ITGA9: variants seen among roughly 807,000 people sequenced by gnomAD.
ITGA9 encodes integrin alpha-9.
ITGA9 carries 56 observed loss-of-function variants against 127.8 expected under a neutral mutation model. The ratio of observed to expected loss-of-function variants is 0.44; its 90% CI spans 0.35 to 0.55. The LOEUF (loss-of-function observed/expected upper bound fraction) is 0.55, where lower values mean the gene tolerates loss of function less well. ITGA9 is among the 20% of genes least tolerant of loss of function. The probability of loss-of-function intolerance (pLI) is 0.00; values close to 1 mark genes in which losing one functional copy is unlikely to be tolerated. For missense variants in ITGA9, 1,196 were observed against 1,347.1 expected (o/e 0.89, Z 1.76); for synonymous variants, 508 against 514.5 (o/e 0.99, Z 0.17).
chr3:37,701,926 G>A (rs1700950924), intron 18 of ITGA9, among the ~76,000 whole-genome samples: 1 of 152,154 alleles, frequency 6.6e-6, no homozygotes, highest in African/African-American at 2.4e-5. Flanking sequence ...TGGAAGCTTT[G>A]GCCTCCAGAT....
intron 23 of ITGA9, among the ~76,000 whole-genome samples, chr3:37,757,813 G>C (rs1696672289): frequency 6.6e-6 from 1 of 151,638 alleles, no homozygotes; most frequent in Non-Finnish European, 1.5e-5. Flanking sequence ...GACCCAGATA[G>C]CTATATAGGC....
intron 16 of ITGA9, among the ~76,000 whole-genome samples, chr3:37,641,533 T>C (rs142360788): frequency 6.6e-6 from 1 of 152,096 alleles, no homozygotes; most frequent in Non-Finnish European, 1.5e-5. Flanking sequence ...CGCACCACCA[T>C]GAGCCCAGAT....
intron 17 of ITGA9, among the ~76,000 whole-genome samples, chr3:37,671,755 G>A (rs2125656769): frequency 6.6e-6 from 1 of 152,254 alleles, no homozygotes; most frequent in South Asian, 2.1e-4. Context: ...TCTCTCTGGA[G>A]TTAATAACCA....
intron 26 of ITGA9, among the ~76,000 whole-genome samples, chr3:37,789,445 A>G (rs1391138770): frequency 1.3e-5 from 2 of 152,152 alleles, no homozygotes; most frequent in African/African-American, 4.8e-5. Context: ...TTGAAAAGTC[A>G]GGGAGCTCAA....
chr3:37,662,117 A>G (rs963162316), intron 17 of ITGA9, among the ~76,000 whole-genome samples: 3 of 152,118 alleles, frequency 2.0e-5, no homozygotes, highest in African/African-American at 7.2e-5. Context: ...GAATACAGCC[A>G]GGGGGCCAGG....
intron 15 of ITGA9, among the ~76,000 whole-genome samples, chr3:37,548,244 AAAAGGCC>A (rs1363354272): frequency 6.6e-6 from 1 of 152,222 alleles, no homozygotes; most frequent in African/African-American, 2.4e-5. Flanking sequence ...GACGTTCTGG[AAAAGGCC>A]AACTAAGGAG....
At chr3:37,754,492 A>C (rs2844379) in intron 23 of ITGA9, among the ~76,000 whole-genome samples, 1 of 152,058 alleles carries the variant, frequency 6.6e-6, no homozygotes, top group Non-Finnish European at 1.5e-5. Flanking sequence ...AATAAATATC[A>C]TACCATTCAT....
At chr3:37,805,922 C>T (rs929233299) in intron 27 of ITGA9, 3 of 152,076 alleles carry the variant, frequency 2.0e-5, no homozygotes, top group Non-Finnish European at 4.4e-5. Context: ...ATCCTCCCGC[C>T]TTAGCCTCCC....
chr3:37,457,156 A>T (rs1042429025), intron 1 of ITGA9, among the ~76,000 whole-genome samples: 1 of 152,248 alleles, frequency 6.6e-6, no homozygotes, highest in African/African-American at 2.4e-5. Context: ...CTAACTAAAA[A>T]TTATTGCCTG....
Position 37,679,307 on chromosome 3 carries a change from A to G in ITGA9, c.1917-4558A>G, listed in dbSNP as rs148753936. On this transcript the variant is annotated intron_variant, in intron 17 of 27. Coordinates refer to ENST00000264741, the MANE Select transcript of ITGA9 (RefSeq NM_002207.3). ...AGCACCCCTGGAATGTTTAGCACAA[A>G]AACTCTATGCTTGATCGTTTTACTA... is the stretch of plus-strand genomic sequence containing the variant. 4.9e-3 allele frequency among the ~76,000 whole-genome samples: 746 copies of G among 152,220 alleles called. 1 individual carries two copies. Among genetic ancestry groups the G allele is most frequent in the African/African-American group, 0.017 (693 of 41,512 alleles).
intron 18 of ITGA9, among the ~76,000 whole-genome samples, chr3:37,708,382 G>C (rs1290838755): frequency 6.6e-6 from 1 of 152,198 alleles, no homozygotes; most frequent in Non-Finnish European, 1.5e-5. Context: ...AATTCAAGGT[G>C]GGGGAATAAA....
At chr3:37,565,247 G>A (rs1699533950) in intron 15 of ITGA9, among the ~76,000 whole-genome samples, 1 of 152,144 alleles carries the variant, frequency 6.6e-6, no homozygotes, top group African/African-American at 2.4e-5. Flanking sequence ...ACTTTCCCTT[G>A]CCTGTTTTTT....
At position 37,473,007 on chromosome 3, in the gene ITGA9, C is replaced by T. The variant is rs192984410; in HGVS notation, c.314-347C>T. ...TATGAACATTAGTGGGATGTGGTGG[C>T]GCACACCTGTAATCCCAGCTACTTG... is the stretch of plus-strand genomic sequence containing the variant. On this transcript the variant is annotated intron_variant, in intron 2 of 27. Coordinates refer to ENST00000264741, the MANE Select transcript of ITGA9 (RefSeq NM_002207.3). Among the ~76,000 whole-genome samples, 12 of 151,538 alleles carry T rather than the reference C, an allele frequency of 7.9e-5. No homozygotes were observed. The East Asian group carries it at 1.4e-3, about 17-fold the overall frequency.
At chr3:37,667,842 C>T (rs1332457581) in intron 17 of ITGA9, among the ~76,000 whole-genome samples, 1 of 152,186 alleles carries the variant, frequency 6.6e-6, no homozygotes, top group African/African-American at 2.4e-5. Flanking sequence ...TGGGAGGCTC[C>T]AAAGCCTGAT....
intron 17 of ITGA9, 111 bp from the exon 18 acceptor site, chr3:37,683,754 A>G: frequency 9.2e-7 from 1 of 1,087,218 alleles, no homozygotes; most frequent in Non-Finnish European, 1.4e-6. Context: ...GGCTCCTGGA[A>G]CTTGTAGTTC....
chr3:37,796,611 G>T (rs925178952), intron 26 of ITGA9, among the ~76,000 whole-genome samples: 1 of 152,078 alleles, frequency 6.6e-6, no homozygotes, highest in African/African-American at 2.4e-5. Flanking sequence ...GGATGGCCAG[G>T]ACTCCCCCAA....
intron 15 of ITGA9, among the ~76,000 whole-genome samples, chr3:37,610,228 T>A (rs1700003512): frequency 6.6e-6 from 1 of 152,208 alleles, no homozygotes; most frequent in South Asian, 2.1e-4. Flanking sequence ...AGATTTTACA[T>A]TTTTGAGGGC....
intron 4 of ITGA9, among the ~76,000 whole-genome samples, chr3:37,486,175 T>C (rs1698608459): frequency 6.6e-6 from 1 of 152,226 alleles, no homozygotes; most frequent in African/African-American, 2.4e-5. Flanking sequence ...CAAGTTGTCT[T>C]TTTATTGTGA....
At chr3:37,491,420 A>G (rs1165149146) in intron 4 of ITGA9, among the ~76,000 whole-genome samples, 1 of 152,240 alleles carries the variant, frequency 6.6e-6, no homozygotes, top group African/African-American at 2.4e-5. Flanking sequence ...TCCTCTCTGC[A>G]GGGCCATGTC....
Sources: gnomAD v4.1 joint callset for allele counts (sites outside exome capture counted in the v4.1 genomes callset) on GRCh38, gnomAD v4.1.1 for gene constraint, MANE v1.5 for transcripts, NCBI Gene and HGNC (gene_info 2026-07-23, HGNC 2026-07-21) for gene names.